The following ITPKB variants were observed in gnomAD, a reference collection of about 807,000 sequenced individuals.
ITPKB encodes IP3 3-kinase B.
A neutral mutation model predicts 69.4 loss-of-function variants in ITPKB; 13 were observed. That is an observed-to-expected ratio of 0.19 (90% confidence interval 0.12 to 0.30). The LOEUF (loss-of-function observed/expected upper bound fraction) is 0.30. Among genes scored for constraint, ITPKB ranks in the 10% least tolerant of loss-of-function variants. The pLI is 1.00. For synonymous variants in ITPKB, 584 were observed against 513.7 expected (o/e 1.14, Z -1.85); for missense variants, 1,240 against 1,250.5 (o/e 0.99, Z 0.13).
chr1:226,714,184 C>A lies in ITPKB; in HGVS notation c.1932+21343G>T, dbSNP rs570729494. ...TTGGCCCCTTAAAATTAGGTGAGGA[C>A]AGCAGACTTACCTGGCCAATTAAAT... On this transcript the variant is annotated intron_variant, in intron 2 of 7. Transcript: ENST00000429204. Among the ~76,000 whole-genome samples the A allele has an allele frequency of 7.2e-5, 11 of 152,304 alleles. No homozygotes were observed. The South Asian group carries it at 2.3e-3, about 32-fold the overall frequency.
At chr1:226,689,006 G>T (rs1656282855) in intron 2 of ITPKB, among the ~76,000 whole-genome samples, 1 of 152,104 alleles carries the variant, frequency 6.6e-6, no homozygotes, top group East Asian at 1.9e-4. Context: ...CCTCTTTAGA[G>T]TATTCAGCAG....
intron 2 of ITPKB, among the ~76,000 whole-genome samples, chr1:226,678,352 C>G (rs1236872615): frequency 1.3e-5 from 2 of 152,242 alleles, no homozygotes; most frequent in Admixed American, 6.5e-5. Context: ...ACAGTGACCC[C>G]AGACTTGCTT....
chr1:226,736,977 A>C lies in ITPKB; in HGVS notation c.482T>G (p.Ile161Ser). 1 of 1,612,496 alleles carries C rather than the reference A, an allele frequency of 6.2e-7. No homozygotes were observed. Among genetic ancestry groups the C allele is most frequent in the East Asian group, 2.2e-5 (1 of 44,860 alleles). Residue 161 changes from isoleucine to serine, a missense_variant, in exon 2 of 8, where the codon ATT becomes AGT. This residue lies in a region of ITPKB where 992 missense variants were observed against 853.8 expected (regional missense o/e 1.16). Coordinates refer to ENST00000429204, the MANE Select transcript of ITPKB (RefSeq NM_002221.4). ...CAAACGCGGGCTGCGGGGCGCTTGA[A>C]TGGCGGAGCTCTGTGCCTGGATGTG... The part of the protein sequence containing the change: ...EAHIQAQSSA[I>S]QAPRSPRLGR...
At chr1:226,721,300 A>T (rs1204709141) in intron 2 of ITPKB, among the ~76,000 whole-genome samples, 1 of 144,796 alleles carries the variant, frequency 6.9e-6, no homozygotes, top group African/African-American at 2.6e-5. Context: ...GTGAGTCAAG[A>T]TCTCGCCATT....
At chr1:226,682,958 A>G (rs1240008733) in intron 2 of ITPKB, among the ~76,000 whole-genome samples, 1 of 152,096 alleles carries the variant, frequency 6.6e-6, no homozygotes, top group Non-Finnish European at 1.5e-5. Flanking sequence ...ATCAGACTGG[A>G]TTGTGTCACC....
At chr1:226,638,602 T>C (rs1336595890) in intron 6 of ITPKB, among the ~76,000 whole-genome samples, 5 of 152,122 alleles carry the variant, frequency 3.3e-5, no homozygotes, top group African/African-American at 4.8e-5. Flanking sequence ...GGGTCAGTGC[T>C]CTGGTCCCTG....
rs553053957 is a variant in ITPKB, at chr1:226,736,311, C to T, written c.1148G>A (p.Gly383Asp). 6.2e-7 allele frequency: 1 copy of T among 1,609,708 alleles called. No homozygotes were observed. Among genetic ancestry groups the T allele is most frequent in the East Asian group, 2.2e-5 (1 of 44,846 alleles). ...TTTGCCCACTTCAGGCTCCCCAGAG[C>T]CCGGCATGCCACAGGGCAGATATCC... ...GKGYLPCGMP[G>D]SGEPEVGKRP... Residue 383 changes from glycine (G) to aspartate (D), a missense_variant, in exon 2 of 8, where the codon GGC (glycine) becomes GAC (aspartate). Coordinates refer to ENST00000429204, the MANE Select transcript of ITPKB (RefSeq NM_002221.4).
rs565163236 is a variant in ITPKB at position 226,713,198 on chromosome 1, A to G, written c.1932+22329T>C. On this transcript the variant is annotated intron_variant, in intron 2 of 7. Coordinates refer to ENST00000429204, the MANE Select transcript of ITPKB (RefSeq NM_002221.4). ...CCAGCTGGCTATTCGACCTCTTCGC[A>G]TTTCTAGAATGCCCCCGCCCCCGGT... Among the ~76,000 whole-genome samples, 13 of 152,194 alleles carry G rather than the reference A, an allele frequency of 8.5e-5. No individual in the cohort carries two copies. The South Asian group carries it at 2.7e-3, about 32-fold the overall frequency.
At chr1:226,696,618 G>A (rs1331235045) in intron 2 of ITPKB, among the ~76,000 whole-genome samples, 8 of 152,142 alleles carry the variant, frequency 5.3e-5, no homozygotes, top group Non-Finnish European at 1.0e-4. Context: ...GGGTCCCCTT[G>A]GAGACCAAGC....
intron 2 of ITPKB, among the ~76,000 whole-genome samples, chr1:226,683,401 G>A (rs1021361385): frequency 2.6e-5 from 4 of 152,198 alleles, no homozygotes; most frequent in African/African-American, 9.7e-5. Context: ...CAGGAACTAA[G>A]ATGACCTGGA....
intron 4 of ITPKB, among the ~76,000 whole-genome samples, chr1:226,646,771 C>T: frequency 6.6e-6 from 1 of 152,186 alleles, no homozygotes; most frequent in Middle Eastern, 3.2e-3. Context: ...TCCCATCTCC[C>T]CTGCAGCTCA....
intron 5 of ITPKB, among the ~76,000 whole-genome samples, chr1:226,640,359 C>A (rs1402738840): frequency 6.6e-6 from 1 of 152,322 alleles, no homozygotes; most frequent in Admixed American, 6.5e-5. Flanking sequence ...AACAGTGGGC[C>A]GTGTCTGCCC....
At chr1:226,686,405 T>C (rs1334813430) in intron 2 of ITPKB, among the ~76,000 whole-genome samples, 2 of 152,198 alleles carry the variant, frequency 1.3e-5, no homozygotes, top group Non-Finnish European at 2.9e-5. Flanking sequence ...CATTATTAGA[T>C]TGGGGTTCCC....
At chr1:226,654,926 AGAAGAGT>A (rs1387798527) in intron 2 of ITPKB, among the ~76,000 whole-genome samples, 1 of 151,560 alleles carries the variant, frequency 6.6e-6, no homozygotes, top group Non-Finnish European at 1.5e-5. Context: ...GAAGAAGAGG[AGAAGAGT>A]GAAGAGGGGG....
intron 2 of ITPKB, among the ~76,000 whole-genome samples, chr1:226,713,339 G>T (rs1657019462): frequency 6.6e-6 from 1 of 152,224 alleles, no homozygotes; most frequent in African/African-American, 2.4e-5. Flanking sequence ...TTCAGAAATA[G>T]AGTGGAAACC....
intron 2 of ITPKB, among the ~76,000 whole-genome samples, chr1:226,693,989 G>A (rs1293291596): frequency 2.0e-5 from 3 of 152,190 alleles, no homozygotes; most frequent in Admixed American, 1.3e-4. Context: ...GGTGTCAGAG[G>A]ACTAAAGATG....
chr1:226,639,615 G>A lies in ITPKB; in HGVS notation c.2495C>T (p.Thr832Met). 5 of 1,613,974 alleles carry A rather than the reference G, an allele frequency of 3.1e-6. No individual in the cohort carries two copies. Among genetic ancestry groups the A allele is most frequent in the Non-Finnish European group, 4.2e-6 (5 of 1,179,858 alleles). Residue 832 changes from threonine (T) to methionine (M), a missense_variant, in exon 6 of 8, where the codon ACG becomes ATG. By Grantham distance (81) the Thr-to-Met change is moderately conservative. Coordinates refer to ENST00000429204, the MANE Select transcript of ITPKB (RefSeq NM_002221.4). ...GAAGGCCTCGGTGACCTGCTCCCTC[G>A]TTTTGGTCTTCTTGAAGTCCCGGTT... ...TVNRDFKKTK[T>M]REQVTEAFRE...
chr1:226,636,779 TGTGTGTGTGTGTGTGA>T lies in ITPKB; in HGVS notation c.2625+884_2625+899del, dbSNP rs1183483766. ...GTGTGTGTGTGTGTGTGTGTGTGTGTGTGTGTGTGTGTGTGAGACTGGGAAAGGCATGCATGTTTGT... is the reference window on the plus strand; with the variant it reads ...GTGTGTGTGTGTGTGTGTGTGTGTGTGACTGGGAAAGGCATGCATGTTTGT... On this transcript the variant is annotated intron_variant, in intron 7 of 7. Coordinates refer to ENST00000429204, the MANE Select transcript of ITPKB (RefSeq NM_002221.4). 1.5e-4 allele frequency among the ~76,000 whole-genome samples: 22 copies of T among 149,038 alleles called. 1 individual carries two copies. Among genetic ancestry groups the T allele is most frequent in the East Asian group, 8.2e-4 (4 of 4,900 alleles).
chr1:226,657,851 C>CT (rs942037756), intron 2 of ITPKB, among the ~76,000 whole-genome samples: 6 of 152,186 alleles, frequency 3.9e-5, no homozygotes, highest in African/African-American at 1.4e-4. Context: ...GGGCTATCTG[C>CT]TTCCCCCCTA....
Sources: gnomAD v4.1 joint callset for allele counts (sites outside exome capture counted in the v4.1 genomes callset) on GRCh38, gnomAD v4.1.1 for gene constraint, gnomAD v4.1.1 regional missense constraint, MANE v1.5 for transcripts, NCBI Gene and HGNC (gene_info 2026-07-23, HGNC 2026-07-21) for gene names.